Variants in SPATA17 observed in about 807,000 individuals in gnomAD.
The protein encoded by SPATA17 is spermatogenesis associated 17.
In SPATA17, 53 loss-of-function variants were observed where a neutral mutation model predicts 62.2. That is an observed-to-expected ratio of 0.85 (90% confidence interval 0.68 to 1.07). SPATA17 has a LOEUF of 1.07. Ranked by LOEUF, SPATA17 falls within the 50% of genes least tolerant of loss-of-function variation. The pLI is 0.00. For missense variants in SPATA17, 466 were observed against 425.5 expected (o/e 1.10, Z -0.84); for synonymous variants, 146 against 146.8 (o/e 0.99, Z 0.04).
At chr1:217,809,839 G>A (rs189037078) in intron 9 of SPATA17, among the ~76,000 whole-genome samples, 7 of 152,252 alleles carry the variant, frequency 4.6e-5, no homozygotes, top group Admixed American at 2.0e-4. Context: ...CTAAGCACAT[G>A]CTTTTAACTG....
At chr1:217,686,692 A>G (rs919530183) in intron 5 of SPATA17, among the ~76,000 whole-genome samples, 2 of 152,196 alleles carry the variant, frequency 1.3e-5, no homozygotes, top group South Asian at 2.1e-4. Flanking sequence ...CTATAATTTC[A>G]TCACTCAGAA....
At chr1:217,816,359 T>C (rs999088506) in intron 9 of SPATA17, among the ~76,000 whole-genome samples, 1 of 151,810 alleles carries the variant, frequency 6.6e-6, no homozygotes, top group Admixed American at 6.6e-5. Flanking sequence ...TTTTAAAGAC[T>C]ATTACCTTAA....
chr1:217,661,868 A>G (rs7555851), intron 3 of SPATA17, among the ~76,000 whole-genome samples: 96,341 of 151,972 alleles, frequency 0.63, 31,556 homozygotes, highest in Non-Finnish European at 0.69. Context: ...TCATTTCATT[A>G]TACAATCAAA....
intron 3 of SPATA17, among the ~76,000 whole-genome samples, chr1:217,667,048 C>CTT (rs1191694917): frequency 6.4e-4 from 74 of 115,520 alleles, no homozygotes; most frequent in Middle Eastern, 5.0e-3. Context: ...TTTTTTTTTT[C>CTT]TTTTTTTTTT....
At chr1:217,823,359 CTT>C (rs1390079791) in intron 9 of SPATA17, among the ~76,000 whole-genome samples, 1 of 151,894 alleles carries the variant, frequency 6.6e-6, no homozygotes, top group Non-Finnish European at 1.5e-5. Flanking sequence ...CTACAAAAGT[CTT>C]TTTCTTTTTC....
At chr1:217,829,660 C>T (rs1302154345) in intron 9 of SPATA17, among the ~76,000 whole-genome samples, 2 of 110,626 alleles carry the variant, frequency 1.8e-5, no homozygotes, top group Non-Finnish European at 3.9e-5. Flanking sequence ...AAAAATACTG[C>T]ATTTACTCAC....
intron 9 of SPATA17, among the ~76,000 whole-genome samples, chr1:217,816,095 C>T (rs1510263): frequency 0.64 from 96,452 of 151,882 alleles, 31,292 homozygotes; most frequent in Admixed American, 0.72. Context: ...CACACATCTT[C>T]AGTCTTAATT....
At chr1:217,798,368 A>G (rs1465095561) in intron 8 of SPATA17, among the ~76,000 whole-genome samples, 1 of 152,222 alleles carries the variant, frequency 6.6e-6, no homozygotes, top group African/African-American at 2.4e-5. Context: ...TTCAAACTTG[A>G]AAAGTAAATA....
At chr1:217,858,372 A>G (rs542807470) in intron 9 of SPATA17, among the ~76,000 whole-genome samples, 31 of 152,318 alleles carry the variant, frequency 2.0e-4, no homozygotes, top group African/African-American at 7.2e-4. Flanking sequence ...ATGAGAGAGG[A>G]AAATACTAGT....
At chr1:217,723,099 A>G (rs543973449) in intron 5 of SPATA17, among the ~76,000 whole-genome samples, 1 of 152,294 alleles carries the variant, frequency 6.6e-6, no homozygotes, top group South Asian at 2.1e-4. Flanking sequence ...CCTGGTGTTG[A>G]GGCCAGAACT....
chr1:217,637,802 C>G (rs997657712), intron 1 of SPATA17, among the ~76,000 whole-genome samples: 3 of 152,102 alleles, frequency 2.0e-5, no homozygotes, highest in Non-Finnish European at 4.4e-5. Context: ...TAAAACTTAG[C>G]AAAACTTCTT....
At chr1:217,795,928 G>A (rs1204444236) in intron 8 of SPATA17, among the ~76,000 whole-genome samples, 1 of 151,958 alleles carries the variant, frequency 6.6e-6, no homozygotes, top group Non-Finnish European at 1.5e-5. Flanking sequence ...CTCTCTAGTA[G>A]CTGAGACTAC....
intron 10 of SPATA17, among the ~76,000 whole-genome samples, chr1:217,866,139 T>C (rs988286012): frequency 2.0e-5 from 3 of 152,200 alleles, no homozygotes; most frequent in South Asian, 2.1e-4. Context: ...ATAAGTTATA[T>C]GTGTGCCTGT....
chr1:217,795,530 T>A lies in SPATA17; in HGVS notation c.873-6188T>A, dbSNP rs1571810853. Among the ~76,000 whole-genome samples, 5 of 151,928 alleles carry A rather than the reference T, an allele frequency of 3.3e-5. No individual in the cohort carries two copies. In the South Asian group the frequency reaches 1.0e-3, roughly 32 times the overall value. Reference sequence around the variant, plus strand: ...GACTGCATGTGCCCACCACTACACCTGGCTAATTTTTGTATTTTTAGTAGA... The same window carrying A: ...GACTGCATGTGCCCACCACTACACCAGGCTAATTTTTGTATTTTTAGTAGA... On this transcript the variant is annotated intron_variant, in intron 8 of 10. Coordinates refer to ENST00000366933, the MANE Select transcript of SPATA17 (RefSeq NM_138796.4).
intron 9 of SPATA17, among the ~76,000 whole-genome samples, chr1:217,840,812 T>C (rs1571838049): frequency 6.6e-6 from 1 of 151,982 alleles, no homozygotes; most frequent in South Asian, 2.1e-4. Flanking sequence ...TGAGCTGTGA[T>C]TGCATCATTG....
intron 8 of SPATA17, among the ~76,000 whole-genome samples, chr1:217,786,708 T>C (rs771358690): frequency 6.6e-5 from 10 of 151,820 alleles, no homozygotes; most frequent in Non-Finnish European, 1.5e-4. Flanking sequence ...GAAACTTTGG[T>C]AATAGGTTAG....
At chr1:217,656,742 A>G (rs569889758) in intron 3 of SPATA17, among the ~76,000 whole-genome samples, 2 of 152,176 alleles carry the variant, frequency 1.3e-5, no homozygotes, top group Admixed American at 1.3e-4. Flanking sequence ...TACATTCTTC[A>G]TGTGTGCACC....
At chr1:217,698,990 T>C (rs138393764) in intron 5 of SPATA17, among the ~76,000 whole-genome samples, 13 of 152,352 alleles carry the variant, frequency 8.5e-5, no homozygotes, top group Admixed American at 2.0e-4. Context: ...ATCTTTATGA[T>C]TGACTTTTTT....
chr1:217,780,422 C>T (rs1316492153), intron 7 of SPATA17, among the ~76,000 whole-genome samples: 2 of 152,092 alleles, frequency 1.3e-5, no homozygotes, highest in African/African-American at 4.8e-5. Flanking sequence ...GGAGTGAACC[C>T]AAAAGGAAGA....
Sources: allele counts gnomAD v4.1 joint callset (sites outside exome capture counted in the v4.1 genomes callset), GRCh38; gene constraint gnomAD v4.1.1; transcripts MANE v1.5; gene names NCBI Gene and HGNC (gene_info 2026-07-23, HGNC 2026-07-21).